The following SLC8A3 variants were observed in gnomAD, a reference collection of about 807,000 sequenced individuals.
SLC8A3 encodes the protein sodium/calcium exchanger 3.
SLC8A3 carries 37 observed loss-of-function variants against 65.4 expected under a neutral mutation model. The ratio of observed to expected loss-of-function variants is 0.57; its 90% confidence interval spans 0.44 to 0.74. The LOEUF (loss-of-function observed/expected upper bound fraction) is 0.74. Among genes scored for constraint, SLC8A3 ranks in the 30% least tolerant of loss-of-function variants. SLC8A3 has a pLI of 0.00. For synonymous variants in SLC8A3, 461 were observed against 444.5 expected (o/e 1.04, Z -0.47); for missense variants, 1,112 against 1,172.1 (o/e 0.95, Z 0.75).
chr14:70,183,622 C>A (rs74706376), intron 1 of SLC8A3, among the ~76,000 whole-genome samples: 3 of 152,306 alleles, frequency 2.0e-5, no homozygotes, highest in Non-Finnish European at 2.9e-5. Flanking sequence ...AAATGGACAA[C>A]CAAACATAAA....
At chr14:70,086,821 C>T (rs1891478792) in intron 2 of SLC8A3, among the ~76,000 whole-genome samples, 1 of 152,188 alleles carries the variant, frequency 6.6e-6, no homozygotes, top group Admixed American at 6.5e-5. Flanking sequence ...CTCCAGTTCC[C>T]TCTGCCTAAG....
At chr14:70,072,442 T>A (rs1024999774) in intron 2 of SLC8A3, among the ~76,000 whole-genome samples, 4 of 150,338 alleles carry the variant, frequency 2.7e-5, no homozygotes, top group South Asian at 2.1e-4. Flanking sequence ...CCTTTTTTTT[T>A]AAGGTTTTCA....
intron 2 of SLC8A3, among the ~76,000 whole-genome samples, chr14:70,124,366 T>C (rs1894295172): frequency 1.3e-5 from 2 of 152,354 alleles, no homozygotes; most frequent in South Asian, 4.1e-4. Flanking sequence ...GGTAGTCATC[T>C]GACATCTTTC....
chr14:70,169,727 T>C (rs1897392118), intron 1 of SLC8A3, among the ~76,000 whole-genome samples: 1 of 147,462 alleles, frequency 6.8e-6, no homozygotes, highest in South Asian at 2.3e-4. Flanking sequence ...CTGCTACAAC[T>C]GTGTGGGATA....
At chr14:70,050,808 G>T (rs573723762) in intron 5 of SLC8A3, among the ~76,000 whole-genome samples, 200 bp downstream of exon 5, 128 of 152,316 alleles carry the variant, frequency 8.4e-4, no homozygotes, top group Non-Finnish European at 1.5e-3. Context: ...TCACACAGCA[G>T]AACAACGATT....
rs182174521 is a variant in SLC8A3 at position 70,107,563 on chromosome 14, C to T, written c.1785-46624G>A. ...AGCCTCTTGATTTGTAGAGATGCTA[C>T]AGTAGATTAATTCATGCGAATACCA... On this transcript the variant is annotated intron_variant, in intron 2 of 6. Coordinates refer to ENST00000356921, the MANE Select transcript of SLC8A3 (RefSeq NM_182932.3). Among the ~76,000 whole-genome samples the T allele has an allele frequency of 1.8e-4, 27 of 152,180 alleles. 1 individual carries two copies. The highest frequency in any genetic ancestry group is 3.4e-3 in the Middle Eastern group (1 of 294).
chr14:70,102,745 A>T (rs1892622430), intron 2 of SLC8A3, among the ~76,000 whole-genome samples: 1 of 152,158 alleles, frequency 6.6e-6, no homozygotes, highest in Admixed American at 6.5e-5. Flanking sequence ...AGAGATCAAG[A>T]TAAATTGTCC....
intron 2 of SLC8A3, among the ~76,000 whole-genome samples, chr14:70,115,651 G>A (rs1893604778): frequency 6.6e-6 from 1 of 152,146 alleles, no homozygotes; most frequent in Non-Finnish European, 1.5e-5. Flanking sequence ...TGTCCTAAGG[G>A]AGCCTGAAAA....
chr14:70,161,115 G>T (rs1896857297), intron 2 of SLC8A3, among the ~76,000 whole-genome samples: 1 of 143,830 alleles, frequency 7.0e-6, no homozygotes. Flanking sequence ...TTAGCCGGAC[G>T]TGGTGGTATA....
At position 70,167,285 on chromosome 14, in the gene SLC8A3, C is replaced by A. The variant is rs144693485; in HGVS notation, c.1138G>T (p.Ala380Ser). 1 of 1,614,088 alleles carries A rather than the reference C, an allele frequency of 6.2e-7. No homozygotes were observed. The highest frequency in any genetic ancestry group is 8.5e-7 in the Non-Finnish European group (1 of 1,180,052). Reference protein sequence around the residue: ...KKHAAEQAKKASSMSEVHTDE... With the variant: ...KKHAAEQAKKSSSMSEVHTDE... ...GTGTGCACCTCGCTCATGCTGGAGG[C>A]CTTCTTGGCTTGTTCTGCTGCATGT... Residue 380 changes from alanine to serine, a missense_variant, in exon 2 of 7, where the codon GCC (alanine) becomes TCC (serine). Transcript: ENST00000356921.
At chr14:70,131,979 GA>G (rs1894861616) in intron 2 of SLC8A3, among the ~76,000 whole-genome samples, 2 of 152,200 alleles carry the variant, frequency 1.3e-5, no homozygotes, top group African/African-American at 4.8e-5. Context: ...CCATCTGGGG[GA>G]ATAGAGTGAT....
intron 3 of SLC8A3, among the ~76,000 whole-genome samples, chr14:70,054,396 A>G (rs9944057): frequency 0.062 from 9,413 of 152,276 alleles, 619 homozygotes; most frequent in East Asian, 0.39. Flanking sequence ...AGATTGAAAG[A>G]GCTAGGAAAA....
chr14:70,156,877 G>A (rs1295730461), intron 2 of SLC8A3, among the ~76,000 whole-genome samples: 2 of 152,198 alleles, frequency 1.3e-5, no homozygotes, highest in Non-Finnish European at 2.9e-5. Flanking sequence ...CCAGAAAGAG[G>A]CTTTGAAAGT....
chr14:70,098,549 G>GT (rs1892345588), intron 2 of SLC8A3, among the ~76,000 whole-genome samples: 2 of 152,178 alleles, frequency 1.3e-5, no homozygotes, highest in African/African-American at 4.8e-5. Context: ...TGGTTAGATG[G>GT]GGGCAGCGGG....
At chr14:70,180,527 A>G (rs988817103) in intron 1 of SLC8A3, among the ~76,000 whole-genome samples, 4 of 152,240 alleles carry the variant, frequency 2.6e-5, no homozygotes, top group East Asian at 3.9e-4. Flanking sequence ...TGATTCCTCT[A>G]TTAGTTTCTT....
intron 2 of SLC8A3, among the ~76,000 whole-genome samples, chr14:70,126,570 T>TCTCTCACACA (rs1385909771): frequency 1.4e-4 from 16 of 117,114 alleles, no homozygotes; most frequent in South Asian, 3.0e-4. Flanking sequence ...TCTCTCTCTC[T>TCTCTCACACA]CACACACACA....
At chr14:70,130,854 T>C (rs17107789) in intron 2 of SLC8A3, among the ~76,000 whole-genome samples, 1,608 of 152,290 alleles carry the variant, frequency 0.011, 9 homozygotes, top group Non-Finnish European at 0.015. Flanking sequence ...GTAAGAGCCA[T>C]AGAGTAAGAG....
intron 6 of SLC8A3, chr14:70,048,175 T>C (rs997923293): frequency 1.2e-5 from 2 of 165,454 alleles, no homozygotes; most frequent in South Asian, 1.7e-4. Context: ...TATAAAAAGA[T>C]AAAAGCTGTG....
At chr14:70,171,600 A>T (rs1381419821) in intron 1 of SLC8A3, among the ~76,000 whole-genome samples, 1 of 152,188 alleles carries the variant, frequency 6.6e-6, no homozygotes, top group African/African-American at 2.4e-5. Flanking sequence ...CAGGAGTTCA[A>T]GGCCAGCCTG....
Sources: gnomAD v4.1 joint callset for allele counts (sites outside exome capture counted in the v4.1 genomes callset) on GRCh38, gnomAD v4.1.1 for gene constraint, MANE v1.5 for transcripts, NCBI Gene and HGNC (gene_info 2026-07-23, HGNC 2026-07-21) for gene names.